Variants in PSME4 observed in about 807,000 individuals in gnomAD.
The protein encoded by PSME4 is proteasome activator subunit 4, also known as proteasome activator complex subunit 4.
A neutral mutation model predicts 253.9 loss-of-function variants in PSME4; 89 were observed. That is an observed-to-expected ratio of 0.35 (90% CI 0.30 to 0.42). PSME4 has a LOEUF of 0.42. Ranked by LOEUF, PSME4 falls within the 10% of genes least tolerant of loss-of-function variation. The probability of loss-of-function intolerance (pLI) is 1.00; values close to 1 mark genes in which losing one functional copy is unlikely to be tolerated. For synonymous variants in PSME4, 851 were observed against 759.2 expected (o/e 1.12, Z -1.99); for missense variants, 2,014 against 2,195.2 (o/e 0.92, Z 1.65).
At chr2:53,923,814 T>G (rs1461500635) in intron 14 of PSME4, among the ~76,000 whole-genome samples, 1 of 149,156 alleles carries the variant, frequency 6.7e-6, no homozygotes, top group African/African-American at 2.5e-5. Flanking sequence ...TCCCAGCTGC[T>G]CGGGAGGCTG....
chr2:53,949,821 T>C (rs1669893688), intron 1 of PSME4, among the ~76,000 whole-genome samples: 1 of 152,194 alleles, frequency 6.6e-6, no homozygotes, highest in Non-Finnish European at 1.5e-5. Context: ...TGGTTAACAA[T>C]ACTGTATTGT....
intron 26 of PSME4, among the ~76,000 whole-genome samples, chr2:53,905,741 C>T (rs1270988859): frequency 6.6e-6 from 1 of 152,128 alleles, no homozygotes; most frequent in African/African-American, 2.4e-5. Context: ...AAGCTCAAGG[C>T]TTGAGTTCAA....
At chr2:53,942,123 T>C (rs1027136590) in intron 3 of PSME4, 22 of 152,610 alleles carry the variant, frequency 1.4e-4, no homozygotes, top group East Asian at 7.7e-4. Context: ...ATTGGATTTA[T>C]GATGTTTATC....
intron 1 of PSME4, among the ~76,000 whole-genome samples, chr2:53,952,316 A>G (rs1323646485): frequency 6.6e-6 from 1 of 152,046 alleles, no homozygotes; most frequent in Non-Finnish European, 1.5e-5. Flanking sequence ...GCCGAGGCAG[A>G]CGGATCACGA....
chr2:53,957,109 C>T (rs1670270304), intron 1 of PSME4, among the ~76,000 whole-genome samples: 1 of 152,162 alleles, frequency 6.6e-6, no homozygotes, highest in African/African-American at 2.4e-5. Flanking sequence ...CTTTACCCTG[C>T]CACTCCTACA....
chr2:53,876,716 C>CTTTTTTTTTTTGTTTTT (rs1679141985), intron 41 of PSME4, among the ~76,000 whole-genome samples: 1 of 97,832 alleles, frequency 1.0e-5, no homozygotes, highest in South Asian at 4.2e-4. Context: ...CACTGTCATT[C>CTTTTTTTTTTTGTTTTT]TTTTTTTTTT....
intron 22 of PSME4, 45 bp downstream of exon 22, chr2:53,908,739 A>G (rs1254485719): frequency 6.6e-7 from 1 of 1,510,748 alleles, no homozygotes; most frequent in Non-Finnish European, 9.1e-7. Context: ...ATTCCAAAAT[A>G]CTTATTCCAA....
At chr2:53,899,741 C>T in intron 29 of PSME4, 140 bp downstream of exon 29, 2 of 1,015,126 alleles carry the variant, frequency 2.0e-6, no homozygotes, top group Non-Finnish European at 2.9e-6. Flanking sequence ...GAGCTTAAAC[C>T]CAGGAGGTGA....
rs528499188 is a variant in PSME4 at position 53,888,320 on chromosome 2, T to C, written c.4389-331A>G. 10 of 233,674 alleles carry C rather than the reference T, an allele frequency of 4.3e-5. No individual in the cohort carries two copies. The East Asian group carries it at 7.5e-4, about 18-fold the overall frequency. 14.5% of individuals were successfully genotyped at this position (233,674 alleles called of 1,614,324 possible). A position where few individuals can be genotyped will look rare whatever the true frequency, so the allele number is the denominator to read the frequency against. On this transcript the variant is annotated intron_variant, in intron 38 of 46. Coordinates refer to ENST00000404125, the MANE Select transcript of PSME4 (RefSeq NM_014614.3). ...TTTAATGAAATTATCCATATTACTA[T>C]TGTCTAACTTTCTACAGCACCATAT... is the stretch of plus-strand genomic sequence containing the variant.
At chr2:53,871,307 G>A (rs986768414) in intron 43 of PSME4, among the ~76,000 whole-genome samples, 2 of 151,906 alleles carry the variant, frequency 1.3e-5, no homozygotes, top group Admixed American at 6.6e-5. Context: ...ATGGAGTGCA[G>A]TGGCACGATC....
Position 53,959,350 on chromosome 2 carries a change from G to C in PSME4, c.243-10067C>G, listed in dbSNP as rs558394899. Among the ~76,000 whole-genome samples, 8 of 152,158 alleles carry C rather than the reference G, an allele frequency of 5.3e-5. No individual in the cohort carries two copies. The East Asian group carries it at 1.5e-3, about 29-fold the overall frequency. On this transcript the variant is annotated intron_variant, in intron 1 of 46. Coordinates refer to ENST00000404125, the MANE Select transcript of PSME4 (RefSeq NM_014614.3). ...ACTGTACTACAGCCTAAGTGACAGA[G>C]CGAGACTCTGTCTCAAAAAAAAGAG...
chr2:53,916,330 T>G (rs1402437935), intron 20 of PSME4, among the ~76,000 whole-genome samples: 1 of 152,050 alleles, frequency 6.6e-6, no homozygotes, highest in Non-Finnish European at 1.5e-5. Context: ...GTCTCCTGTC[T>G]CCTAATACCA....
intron 35 of PSME4, among the ~76,000 whole-genome samples, 194 bp downstream of exon 35, chr2:53,893,480 C>T (rs762115527): frequency 6.6e-6 from 1 of 152,086 alleles, no homozygotes; most frequent in East Asian, 1.9e-4. Context: ...TATATTAATG[C>T]TATGTCAATA....
At chr2:53,927,025 G>A (rs1375957526) in intron 12 of PSME4, among the ~76,000 whole-genome samples, 2 of 151,782 alleles carry the variant, frequency 1.3e-5, no homozygotes, top group Non-Finnish European at 2.9e-5. Flanking sequence ...GAGCCAGACA[G>A]AAATGAATGA....
At chr2:53,883,295 T>C (rs925284975) in intron 41 of PSME4, among the ~76,000 whole-genome samples, 3 of 152,150 alleles carry the variant, frequency 2.0e-5, no homozygotes, top group Non-Finnish European at 4.4e-5. Flanking sequence ...GGGAGGACCA[T>C]TGGAGACCAA....
Position 53,923,117 on chromosome 2 carries a change from C to T in PSME4, c.1910G>A (p.Cys637Tyr). 3 of 1,603,832 alleles carry T rather than the reference C, an allele frequency of 1.9e-6. No individual in the cohort carries two copies. Among genetic ancestry groups the T allele is most frequent in the African/African-American group, 1.3e-5 (1 of 74,658 alleles). Residue 637 changes from cysteine (C) to tyrosine (Y), a missense_variant and splice_region_variant, in exon 16 of 47, where the codon TGC becomes TAC. Around this residue, in one of 4 missense-constraint regions of PSME4, gnomAD observed 989 missense variants for 1,021.1 expected, o/e 0.97. Transcript: ENST00000404125. ...GAGCTTCAAAGATTCTTCTGGGCAG[C>T]ACTGAAAATGTATTTGTATAAGTAA... ...VADMCRAAVK[C>Y]CPEESLKLFV...
intron 41 of PSME4, among the ~76,000 whole-genome samples, chr2:53,880,775 C>A (rs1679345634): frequency 6.6e-6 from 1 of 152,134 alleles, no homozygotes; most frequent in South Asian, 2.1e-4. Context: ...AGTCAGGGTA[C>A]AAATGGTAAA....
chr2:53,889,418 G>A (rs1223502228), intron 37 of PSME4, among the ~76,000 whole-genome samples: 1 of 151,820 alleles, frequency 6.6e-6, no homozygotes, highest in Non-Finnish European at 1.5e-5. Flanking sequence ...ATTGTTTAGG[G>A]AATAATGACA....
At position 53,906,581 on chromosome 2, in the gene PSME4, G is replaced by A. The variant is rs770854522; in HGVS notation, c.2943+17C>T. The A allele has an allele frequency of 2.3e-5, 35 of 1,527,238 alleles. No homozygotes were observed. Among genetic ancestry groups the A allele is most frequent in the South Asian group, 7.9e-5 (6 of 75,740 alleles). The allele number at this position is 1,527,238 out of a possible 1,614,324, so 94.6% of individuals were successfully genotyped here. ...AAATGGGAGGGCATGAGAGTGCAGC[G>A]TTTGGATAAGCCTTACCTGACTGTA... is the stretch of plus-strand genomic sequence containing the variant. On this transcript the variant is annotated intron_variant, in intron 26 of 46. Transcript: ENST00000404125.
Sources: gnomAD v4.1 joint callset for allele counts (sites outside exome capture counted in the v4.1 genomes callset) on GRCh38, gnomAD v4.1.1 for gene constraint, gnomAD v4.1.1 regional missense constraint, MANE v1.5 for transcripts, NCBI Gene and HGNC (gene_info 2026-07-23, HGNC 2026-07-21) for gene names.